Variants in LRRC7 observed in about 807,000 individuals in gnomAD.
LRRC7 encodes leucine-rich repeat-containing protein 7.
Under a neutral mutation model 175.7 loss-of-function variants are expected in LRRC7, and 23 were observed. That is an observed-to-expected ratio of 0.13 (90% CI 0.09 to 0.19). The LOEUF is 0.19. Ranked by LOEUF, LRRC7 falls within the 10% of genes least tolerant of loss-of-function variation. The probability of loss-of-function intolerance (pLI) is 1.00; values close to 1 mark genes in which losing one functional copy is unlikely to be tolerated. For synonymous variants in LRRC7, 685 were observed against 680.9 expected, an observed-to-expected ratio of 1.01 and a Z score of -0.09; for missense variants, 1,354 against 1,904.7, an observed-to-expected ratio of 0.71 and a Z score of 5.38.
chr1:70,107,103 A>C (rs1347784086), intron 25 of LRRC7, among the ~76,000 whole-genome samples: 1 of 152,204 alleles, frequency 6.6e-6, no homozygotes, highest in Non-Finnish European at 1.5e-5. Context: ...TTTTCTTTCT[A>C]TACATGGTCA....
chr1:69,896,739 CT>C (rs1289786461), intron 7 of LRRC7, among the ~76,000 whole-genome samples: 2 of 152,042 alleles, frequency 1.3e-5, no homozygotes, highest in Non-Finnish European at 2.9e-5. Flanking sequence ...TCTTGTTACA[CT>C]ATAAATTTTC....
chr1:69,890,939 A>C (rs1378014922), intron 7 of LRRC7, among the ~76,000 whole-genome samples: 1 of 152,236 alleles, frequency 6.6e-6, no homozygotes, highest in Non-Finnish European at 1.5e-5. Context: ...GCTCTGGATT[A>C]GTCTTTGGCT....
At chr1:70,116,972 G>A (rs747100604) in intron 26 of LRRC7, among the ~76,000 whole-genome samples, 1 of 152,122 alleles carries the variant, frequency 6.6e-6, no homozygotes, top group Non-Finnish European at 1.5e-5. Context: ...GCACTAATTT[G>A]GTCACTGCAT....
Position 69,920,983 on chromosome 1 carries a change from G to A in LRRC7, c.648-10524G>A, listed in dbSNP as rs528788245. ...AACTATTCCCCAAGCCCCTTTCCCTGGAAGCACCTATTCAGTGGTATAGAT... is the reference window on the plus strand; with the variant it reads ...AACTATTCCCCAAGCCCCTTTCCCTAGAAGCACCTATTCAGTGGTATAGAT... On this transcript the variant is annotated intron_variant, in intron 7 of 26. Coordinates refer to ENST00000651989, the MANE Select transcript of LRRC7 (RefSeq NM_001370785.2). 3.9e-5 allele frequency among the ~76,000 whole-genome samples: 6 copies of A among 152,182 alleles called. No individual in the cohort carries two copies. The South Asian group carries it at 1.2e-3, about 31-fold the overall frequency.
At position 70,132,319 on chromosome 1, in the gene LRRC7, G is replaced by A. The variant is rs1268220046; in HGVS notation, c.*10432G>A. The A allele has an allele frequency of 6.6e-6, 1 of 152,088 alleles. No individual in the cohort carries two copies. The highest frequency in any genetic ancestry group is 1.9e-4 in the East Asian group (1 of 5,200). 9.4% of individuals were successfully genotyped at this position (152,088 alleles called of 1,614,324 possible). A position where few individuals can be genotyped will look rare whatever the true frequency, so the allele number is the denominator to read the frequency against. On this transcript the variant is annotated 3_prime_UTR_variant, in exon 27 of 27. Transcript: ENST00000651989. ...TATTAGAAATATATTTAGTTTAATT[G>A]CTATTCATTTCTAGAAACTATTTTT...
At chr1:69,617,523 C>A in intron 1 of LRRC7, among the ~76,000 whole-genome samples, 1 of 106,080 alleles carries the variant, frequency 9.4e-6, no homozygotes, top group Admixed American at 1.4e-4. Flanking sequence ...TCTTTGTGAG[C>A]TGAAGGTTGT....
intron 2 of LRRC7, among the ~76,000 whole-genome samples, chr1:69,731,020 G>A (rs1301436777): frequency 2.0e-5 from 3 of 151,998 alleles, no homozygotes; most frequent in Non-Finnish European, 2.9e-5. Flanking sequence ...ATGAGATCTC[G>A]GCCGGGTGCA....
rs114432438 is a variant in LRRC7 at position 69,657,639 on chromosome 1, G to A, written c.3-20742G>A. ...CCTATGATATTATTGACTTACCTAG[G>A]TCTGCAGAGAATGTAAGAAGAGATA... On this transcript the variant is annotated intron_variant, in intron 1 of 26. Transcript: ENST00000651989. Among the ~76,000 whole-genome samples, 1,416 of 151,786 alleles carry A rather than the reference G, an allele frequency of 9.3e-3. 22 individuals carry two copies. The highest frequency in any genetic ancestry group is 0.033 in the African/African-American group (1,360 of 41,434).
At chr1:69,731,334 A>G (rs115840266) in intron 2 of LRRC7, among the ~76,000 whole-genome samples, 1 of 152,120 alleles carries the variant, frequency 6.6e-6, no homozygotes, top group Non-Finnish European at 1.5e-5. Context: ...CTCACTCACT[A>G]TTACAAGAAC....
At chr1:69,609,005 A>C (rs1263570828) in intron 1 of LRRC7, among the ~76,000 whole-genome samples, 1 of 150,870 alleles carries the variant, frequency 6.6e-6, no homozygotes, top group Non-Finnish European at 1.5e-5. Flanking sequence ...ATATGATTTT[A>C]TAAAATTGGC....
chr1:69,728,006 C>T (rs936855562), intron 2 of LRRC7, among the ~76,000 whole-genome samples: 2 of 152,150 alleles, frequency 1.3e-5, no homozygotes, highest in African/African-American at 2.4e-5. Context: ...TTTCCATTCC[C>T]TGCAGGTGCT....
At chr1:69,967,415 C>T (rs941968876) in intron 8 of LRRC7, among the ~76,000 whole-genome samples, 5 of 152,184 alleles carry the variant, frequency 3.3e-5, no homozygotes, top group African/African-American at 1.2e-4. Flanking sequence ...TTCTAGGGCC[C>T]CACCCACCAC....
At chr1:69,799,008 T>G (rs1220341322) in intron 4 of LRRC7, among the ~76,000 whole-genome samples, 4 of 151,998 alleles carry the variant, frequency 2.6e-5, no homozygotes, top group Non-Finnish European at 5.9e-5. Flanking sequence ...TAGAGTCTCT[T>G]TCTTTACAGT....
chr1:69,907,775 T>C (rs1646370901), intron 7 of LRRC7, among the ~76,000 whole-genome samples: 1 of 152,206 alleles, frequency 6.6e-6, no homozygotes, highest in African/African-American at 2.4e-5. Flanking sequence ...GCTGGCCTCA[T>C]AAAATGAGTT....
chr1:69,861,500 G>T (rs1433845355), intron 7 of LRRC7, among the ~76,000 whole-genome samples: 1 of 152,122 alleles, frequency 6.6e-6, no homozygotes, highest in Non-Finnish European at 1.5e-5. Flanking sequence ...TCTACATTTT[G>T]AGTCCTGCTG....
intron 1 of LRRC7, among the ~76,000 whole-genome samples, chr1:69,622,165 C>T (rs183265535): frequency 2.9e-4 from 44 of 152,284 alleles, no homozygotes; most frequent in African/African-American, 9.6e-4. Flanking sequence ...TATTATTTCT[C>T]CCCTTCTCAG....
intron 2 of LRRC7, among the ~76,000 whole-genome samples, chr1:69,736,606 T>C (rs1190540833): frequency 6.6e-6 from 1 of 151,994 alleles, no homozygotes; most frequent in East Asian, 1.9e-4. Flanking sequence ...TTACAGAAAA[T>C]TTGGGTTAAT....
At chr1:69,821,453 C>A (rs1679287583) in intron 4 of LRRC7, among the ~76,000 whole-genome samples, 2 of 152,040 alleles carry the variant, frequency 1.3e-5, no homozygotes, top group African/African-American at 4.8e-5. Flanking sequence ...TCTATCTCTT[C>A]ATTTAACTTC....
intron 7 of LRRC7, among the ~76,000 whole-genome samples, chr1:69,914,853 A>G (rs1272644474): frequency 6.6e-6 from 1 of 152,200 alleles, no homozygotes; most frequent in African/African-American, 2.4e-5. Flanking sequence ...GACAGAGACC[A>G]TATGGACTGG....
Sources: gnomAD v4.1 joint callset for allele counts (sites outside exome capture counted in the v4.1 genomes callset) on GRCh38, gnomAD v4.1.1 for gene constraint, MANE v1.5 for transcripts, NCBI Gene and HGNC (gene_info 2026-07-23, HGNC 2026-07-21) for gene names.